Variants in BTLA observed in about 807,000 individuals in gnomAD.
The protein encoded by BTLA is B and T lymphocyte associated, also known as B- and T-lymphocyte attenuator.
BTLA carries 11 observed loss-of-function variants against 25.0 expected under a neutral mutation model. The observed-to-expected ratio is 0.44, with a 90% CI of 0.28 to 0.73. The LOEUF (loss-of-function observed/expected upper bound fraction) is 0.73. Ranked by LOEUF, BTLA falls within the 30% of genes least tolerant of loss-of-function variation. The pLI, the probability that BTLA is intolerant of heterozygous loss-of-function variation, is 0.15. For synonymous variants in BTLA, 104 were observed against 119.8 expected (o/e 0.87, Z 0.86); for missense variants, 282 against 332.8 (o/e 0.85, Z 1.19).
chr3:112,488,636 C>T (rs1339801040), intron 1 of BTLA, among the ~76,000 whole-genome samples: 2 of 151,848 alleles, frequency 1.3e-5, no homozygotes, highest in South Asian at 2.1e-4. Flanking sequence ...GTTGTTGAGA[C>T]GGAGTCTCGC....
Position 112,464,343 on chromosome 3 carries a change from G to C in BTLA, c.*1765C>G, listed in dbSNP as rs866373013. The C allele has an allele frequency of 1.3e-5, 5 of 387,518 alleles. No individual in the cohort carries two copies. The highest frequency in any genetic ancestry group is 4.1e-5 in the African/African-American group (2 of 48,394). 24.0% of individuals were successfully genotyped at this position (387,518 alleles called of 1,614,324 possible). ...AATCATGAAGGAACTGTTCAATTTC[G>C]TGTGTTCATCTGATAAGAGGACAGC... On this transcript the variant is annotated 3_prime_UTR_variant, in exon 5 of 5. Coordinates refer to ENST00000334529, the MANE Select transcript of BTLA (RefSeq NM_181780.4).
Position 112,464,319 on chromosome 3 carries a change from A to G in BTLA, c.*1789T>C. 1 of 391,198 alleles carries G rather than the reference A, an allele frequency of 2.6e-6. No homozygotes were observed. Among genetic ancestry groups the G allele is most frequent in the South Asian group, 1.4e-4 (1 of 7,060 alleles). The allele number at this position is 391,198 out of a possible 1,614,324, so 24.2% of individuals were successfully genotyped here. A position where few individuals can be genotyped will look rare whatever the true frequency, so the allele number is the denominator to read the frequency against. On this transcript the variant is annotated 3_prime_UTR_variant, in exon 5 of 5. Transcript: ENST00000334529. ...ATATTTTGCTTTTAAGTTTGAGAGA[A>G]TCATGAAGGAACTGTTCAATTTCGT...
At chr3:112,486,198 AC>A (rs1412471591) in intron 1 of BTLA, among the ~76,000 whole-genome samples, 3 of 152,226 alleles carry the variant, frequency 2.0e-5, no homozygotes, top group African/African-American at 7.2e-5. Context: ...TTGTTAAGTC[AC>A]TATAGGTTTA....
chr3:112,469,853 G>A, intron 3 of BTLA, 49 bp from the exon 4 acceptor site: 1 of 1,476,486 alleles, frequency 6.8e-7, no homozygotes, highest in Non-Finnish European at 9.4e-7. Context: ...AAAGAAAGCA[G>A]AAGTAAACCA....
intron 2 of BTLA, among the ~76,000 whole-genome samples, chr3:112,474,292 A>G (rs60286828): frequency 0.022 from 3,356 of 152,278 alleles, 87 homozygotes; most frequent in African/African-American, 0.065. Flanking sequence ...TATTTCCAAA[A>G]TATATTTTTC....
At chr3:112,478,320 G>A (rs144485370) in intron 2 of BTLA, among the ~76,000 whole-genome samples, 14 of 151,988 alleles carry the variant, frequency 9.2e-5, no homozygotes, top group Non-Finnish European at 1.8e-4. Context: ...TGCTTTCTTT[G>A]TTCAGTGTAC....
At chr3:112,488,154 T>C (rs1281407176) in intron 1 of BTLA, among the ~76,000 whole-genome samples, 1 of 152,098 alleles carries the variant, frequency 6.6e-6, no homozygotes, top group Non-Finnish European at 1.5e-5. Context: ...TCTTCTACAT[T>C]CCAAACTTGG....
At chr3:112,492,785 G>A (rs1431870990) in intron 1 of BTLA, among the ~76,000 whole-genome samples, 1 of 152,160 alleles carries the variant, frequency 6.6e-6, no homozygotes, top group Non-Finnish European at 1.5e-5. Context: ...AAATCTCAAT[G>A]CCCCAGCCTC....
intron 1 of BTLA, among the ~76,000 whole-genome samples, chr3:112,485,120 C>T (rs1451479607): frequency 1.3e-5 from 2 of 152,100 alleles, no homozygotes; most frequent in African/African-American, 4.8e-5. Context: ...TTTCGGCTCA[C>T]TGCAGCCTCC....
Position 112,499,327 on chromosome 3 carries a change from C to T in BTLA, c.32G>A (p.Gly11Glu). The T allele has an allele frequency of 6.2e-7, 1 of 1,613,826 alleles. No individual in the cohort carries two copies. Among genetic ancestry groups the T allele is most frequent in the East Asian group, 2.2e-5 (1 of 44,866 alleles). Residue 11 changes from glycine (G) to glutamate (E), a missense_variant, in exon 1 of 5, where the codon GGG (glycine) becomes GAG (glutamate). Physicochemically the swap from Gly to Glu is moderately conservative, Grantham distance 98. Transcript: ENST00000334529. ...TAAGAAGAAGACCCAAAATAATTTC[C>T]CAGTTCCAAGCATGGCAGGCAATGT... MKTLPAMLGT[G>E]KLFWVFFLIP...
chr3:112,486,110 C>T (rs937372577), intron 1 of BTLA, among the ~76,000 whole-genome samples: 1 of 152,132 alleles, frequency 6.6e-6, no homozygotes, highest in Non-Finnish European at 1.5e-5. Flanking sequence ...GAGCGAGAGT[C>T]CATCTCAAAA....
chr3:112,497,375 C>T (rs1317407370), intron 1 of BTLA, among the ~76,000 whole-genome samples: 1 of 152,136 alleles, frequency 6.6e-6, no homozygotes, highest in African/African-American at 2.4e-5. Context: ...TTAATCAATG[C>T]CATACAGTAA....
At chr3:112,490,523 C>T (rs1369587507) in intron 1 of BTLA, among the ~76,000 whole-genome samples, 1 of 151,180 alleles carries the variant, frequency 6.6e-6, no homozygotes, top group South Asian at 2.1e-4. Context: ...ATGTAGTATG[C>T]AATAGTAGAT....
chr3:112,467,082 C>A (rs1271062207), intron 4 of BTLA, among the ~76,000 whole-genome samples: 1 of 152,014 alleles, frequency 6.6e-6, no homozygotes, highest in Non-Finnish European at 1.5e-5. Flanking sequence ...CTCAGCCTCC[C>A]GAGTAGCTGG....
intron 2 of BTLA, among the ~76,000 whole-genome samples, chr3:112,478,854 T>C (rs1256028076): frequency 6.6e-6 from 1 of 152,178 alleles, no homozygotes; most frequent in Admixed American, 6.5e-5. Flanking sequence ...TTAACTTCTA[T>C]CTGTCCTTCC....
In BTLA at chr3:112,465,514, C is replaced by G. The variant is rs1018987321; in HGVS notation, c.*594G>C. 2.0e-5 allele frequency: 3 copies of G among 152,590 alleles called. No individual in the cohort carries two copies. The highest frequency in any genetic ancestry group is 7.2e-5 in the African/African-American group (3 of 41,438). 9.5% of individuals were successfully genotyped at this position (152,590 alleles called of 1,614,324 possible). A position where few individuals can be genotyped will look rare whatever the true frequency, so the allele number is the denominator to read the frequency against. On this transcript the variant is annotated 3_prime_UTR_variant, in exon 5 of 5. Coordinates refer to ENST00000334529, the MANE Select transcript of BTLA (RefSeq NM_181780.4). ...TTGCCAGGTATGTGGAACATCTACC[C>G]TATATCCAATTGGTATATTCTATAT...
intron 2 of BTLA, among the ~76,000 whole-genome samples, chr3:112,478,285 C>T (rs780043219): frequency 5.3e-5 from 8 of 152,208 alleles, no homozygotes; most frequent in African/African-American, 1.9e-4. Flanking sequence ...CATTTATTTA[C>T]ATATTCTTGA....
At chr3:112,490,028 T>G (rs2082371504) in intron 1 of BTLA, among the ~76,000 whole-genome samples, 2 of 152,172 alleles carry the variant, frequency 1.3e-5, no homozygotes, top group Non-Finnish European at 2.9e-5. Flanking sequence ...GGGAGGACAT[T>G]GACTTGCATA....
intron 1 of BTLA, among the ~76,000 whole-genome samples, chr3:112,489,621 A>AT (rs956830331): frequency 2.6e-5 from 4 of 152,216 alleles, no homozygotes; most frequent in Admixed American, 6.5e-5. Flanking sequence ...TAAACAAATG[A>AT]TTTTTTGAGA....
Sources: allele counts gnomAD v4.1 joint callset (sites outside exome capture counted in the v4.1 genomes callset), GRCh38; gene constraint gnomAD v4.1.1; transcripts MANE v1.5; gene names NCBI Gene and HGNC (gene_info 2026-07-23, HGNC 2026-07-21).